DYM: variants seen among roughly 807,000 people sequenced by gnomAD.
DYM encodes dyggve-Melchior-Clausen syndrome protein.
DYM carries 78 observed loss-of-function variants against 93.1 expected under a neutral mutation model. The ratio of observed to expected loss-of-function variants is 0.84; its 90% CI spans 0.70 to 1.01. The LOEUF (loss-of-function observed/expected upper bound fraction) is 1.01, where lower values mean the gene tolerates loss of function less well. Ranked by LOEUF, DYM falls within the 50% of genes least tolerant of loss-of-function variation. The pLI is 0.00. For synonymous variants in DYM, 321 were observed against 319.7 expected (o/e 1.00, Z -0.04); for missense variants, 789 against 845.0 (o/e 0.93, Z 0.82).
At chr18:49,312,781 TG>T (rs1250672057) in intron 8 of DYM, among the ~76,000 whole-genome samples, 1 of 152,070 alleles carries the variant, frequency 6.6e-6, no homozygotes, top group African/African-American at 2.4e-5. Flanking sequence ...GTCCCCAACT[TG>T]CAGAGTGACT....
rs558681113 is a variant in DYM, at chr18:49,102,713, G to C, written c.1912-5198C>G. On this transcript the variant is annotated intron_variant, in intron 16 of 17. Coordinates refer to ENST00000675505, the MANE Select transcript of DYM (RefSeq NM_001353214.3). The stretch of plus-strand genomic sequence containing the variant: ...AGTTTGCTGAAAATGATGGTTTCCA[G>C]CTTCATCCATGTCCCTACAAAGGAC... 2.0e-4 allele frequency among the ~76,000 whole-genome samples: 31 copies of C among 152,196 alleles called. 1 individual carries two copies. Among genetic ancestry groups the C allele is most frequent in the African/African-American group, 7.0e-4 (29 of 41,532 alleles).
At chr18:49,070,141 C>G (rs1418270813) in intron 17 of DYM, among the ~76,000 whole-genome samples, 1 of 152,170 alleles carries the variant, frequency 6.6e-6, no homozygotes, top group African/African-American at 2.4e-5. Flanking sequence ...GAGCTCCGAG[C>G]CATCCATTTT....
chr18:49,409,289 A>T (rs976764255), intron 2 of DYM, among the ~76,000 whole-genome samples: 2 of 151,500 alleles, frequency 1.3e-5, no homozygotes, highest in African/African-American at 4.8e-5. Context: ...GTCTCAAAAA[A>T]AAAAAAAAAA....
intron 13 of DYM, among the ~76,000 whole-genome samples, chr18:49,209,929 A>T (rs1192595770): frequency 7.2e-5 from 11 of 152,228 alleles, no homozygotes; most frequent in African/African-American, 2.7e-4. Context: ...ATCAGAGAAG[A>T]TATACAGATG....
chr18:49,340,914 C>T (rs899455727), intron 6 of DYM, among the ~76,000 whole-genome samples: 4 of 152,176 alleles, frequency 2.6e-5, no homozygotes, highest in African/African-American at 7.2e-5. Flanking sequence ...CTAAATGTAG[C>T]ACCCAGAGAT....
chr18:49,053,454 A>G (rs143190449), intron 17 of DYM, among the ~76,000 whole-genome samples: 1 of 152,298 alleles, frequency 6.6e-6, no homozygotes, highest in East Asian at 1.9e-4. Context: ...TCCAATAGCT[A>G]CATAGCAGAT....
chr18:49,145,863 A>G (rs1444960590), intron 15 of DYM, among the ~76,000 whole-genome samples: 1 of 151,682 alleles, frequency 6.6e-6, no homozygotes, highest in African/African-American at 2.4e-5. Context: ...TATGTGGTCT[A>G]TTTTACTTGT....
At chr18:49,103,414 T>G (rs141419834) in intron 16 of DYM, among the ~76,000 whole-genome samples, 4,971 of 152,318 alleles carry the variant, frequency 0.033, 101 homozygotes, top group Non-Finnish European at 0.048. Context: ...CTCTTTAGTT[T>G]AATTACATCC....
chr18:49,180,265 A>G (rs1182561412), intron 14 of DYM, among the ~76,000 whole-genome samples: 1 of 152,150 alleles, frequency 6.6e-6, no homozygotes, highest in East Asian at 1.9e-4. Context: ...TTTATTCAAA[A>G]TGAAGTTTAA....
Position 49,038,990 on chromosome 18 carries a change from T to C in DYM, c.*5065A>G, listed in dbSNP as rs1001295794. The stretch of plus-strand genomic sequence containing the variant: ...AATTATTGTTTTATGTAGTCAATAT[T>C]TATGTGTCATTTTCATTGCTCTTCA... On this transcript the variant is annotated 3_prime_UTR_variant, in exon 18 of 18. Coordinates refer to ENST00000675505, the MANE Select transcript of DYM (RefSeq NM_001353214.3). Among the ~76,000 whole-genome samples the C allele has an allele frequency of 6.6e-6, 1 of 152,250 alleles. No homozygotes were observed.
intron 3 of DYM, among the ~76,000 whole-genome samples, chr18:49,388,754 TA>T (rs2068876454): frequency 6.6e-6 from 1 of 151,820 alleles, no homozygotes; most frequent in Non-Finnish European, 1.5e-5. Context: ...GAAGCAACAA[TA>T]AGGTTGACTG....
chr18:49,285,001 A>G (rs1355954917), intron 9 of DYM, among the ~76,000 whole-genome samples: 3 of 152,164 alleles, frequency 2.0e-5, no homozygotes, highest in African/African-American at 7.2e-5. Context: ...CATAGCATTC[A>G]GCCCTTTTAG....
chr18:49,117,808 G>A (rs1304024539), intron 16 of DYM, among the ~76,000 whole-genome samples: 1 of 151,990 alleles, frequency 6.6e-6, no homozygotes, highest in Non-Finnish European at 1.5e-5. Flanking sequence ...GTTAAGCCTG[G>A]CTCCTTTGTC....
intron 14 of DYM, among the ~76,000 whole-genome samples, chr18:49,202,212 T>G (rs1298672982): frequency 6.6e-6 from 1 of 152,238 alleles, no homozygotes; most frequent in Non-Finnish European, 1.5e-5. Flanking sequence ...CCTTTCACTC[T>G]TCTACTATCT....
intron 14 of DYM, among the ~76,000 whole-genome samples, chr18:49,189,954 T>C (rs538006609): frequency 9.8e-5 from 15 of 152,342 alleles, no homozygotes; most frequent in Non-Finnish European, 1.6e-4. Flanking sequence ...AAAAGGAATA[T>C]TAAAAAACTA....
At chr18:49,046,746 A>T (rs1267967013) in intron 17 of DYM, among the ~76,000 whole-genome samples, 1 of 152,090 alleles carries the variant, frequency 6.6e-6, no homozygotes, top group African/African-American at 2.4e-5. Flanking sequence ...CAAAAAATTT[A>T]AAAATTAGCC....
intron 2 of DYM, among the ~76,000 whole-genome samples, chr18:49,399,866 G>C (rs1479969809): frequency 6.6e-6 from 1 of 151,510 alleles, no homozygotes; most frequent in African/African-American, 2.4e-5. Flanking sequence ...AGCCCTCAAG[G>C]CAAGGTCTGC....
intron 17 of DYM, among the ~76,000 whole-genome samples, chr18:49,080,796 C>G (rs1413068304): frequency 6.9e-6 from 1 of 145,556 alleles, no homozygotes. Flanking sequence ...GGGCGGATGC[C>G]GGGCGGAGGG....
chr18:49,230,134 A>G (rs78962482), intron 13 of DYM, among the ~76,000 whole-genome samples: 6 of 152,312 alleles, frequency 3.9e-5, no homozygotes, highest in African/African-American at 1.4e-4. Flanking sequence ...TGGTAAATAC[A>G]TGACTATATG....
Sources: allele counts gnomAD v4.1 joint callset (sites outside exome capture counted in the v4.1 genomes callset), GRCh38; gene constraint gnomAD v4.1.1; transcripts MANE v1.5; gene names NCBI Gene and HGNC (gene_info 2026-07-23, HGNC 2026-07-21).